Variants in ZNF475 observed in about 807,000 individuals in gnomAD.
ZNF475 encodes zinc finger protein 475.
At chr5:122,175,434 GA>G in the ZNF475 span, among the ~76,000 whole-genome samples, 1 of 151,998 alleles carries the variant, frequency 6.6e-6, no homozygotes, top group African/African-American at 2.4e-5. Flanking sequence ...AGAGCATATT[GA>G]AAAAAAGTCA....
chr5:122,176,968 G>T, the ZNF475 span, among the ~76,000 whole-genome samples: 1 of 152,138 alleles, frequency 6.6e-6, no homozygotes, highest in African/African-American at 2.4e-5. Context: ...CTCTCCCATA[G>T]ATTTGGTTCT....
chr5:122,170,737 C>A, the ZNF475 span, among the ~76,000 whole-genome samples: 2 of 152,150 alleles, frequency 1.3e-5, no homozygotes, highest in Admixed American at 6.5e-5. Flanking sequence ...CAGAGGTCAG[C>A]GAGTAGAGCT....
At chr5:122,173,838 C>T in the ZNF475 span, among the ~76,000 whole-genome samples, 1 of 152,162 alleles carries the variant, frequency 6.6e-6, no homozygotes, top group African/African-American at 2.4e-5. Context: ...TAGTGACTAA[C>T]TTTTTGTAAA....
chr5:122,162,640 T>C, the ZNF475 span, among the ~76,000 whole-genome samples: 2 of 152,222 alleles, frequency 1.3e-5, no homozygotes, highest in South Asian at 4.1e-4. Flanking sequence ...GAGTCTCTGG[T>C]GGCCTCGCCT....
At chr5:122,173,938 AT>A in the ZNF475 span, among the ~76,000 whole-genome samples, 1 of 152,222 alleles carries the variant, frequency 6.6e-6, no homozygotes, top group Non-Finnish European at 1.5e-5. Flanking sequence ...TGTTGATCTA[AT>A]TCTTTGCTCT....
chr5:122,165,632 G>A, the ZNF475 span, among the ~76,000 whole-genome samples: 1 of 151,988 alleles, frequency 6.6e-6, no homozygotes, highest in Non-Finnish European at 1.5e-5. Flanking sequence ...TTACCTCTGG[G>A]TGCCCTGAGT....
chr5:122,178,109 G>A, the ZNF475 span, among the ~76,000 whole-genome samples: 1 of 152,172 alleles, frequency 6.6e-6, no homozygotes, highest in Non-Finnish European at 1.5e-5. Flanking sequence ...ATTCCATGGT[G>A]TATATGTGCC....
chr5:122,173,731 C>G, the ZNF475 span, among the ~76,000 whole-genome samples: 1 of 152,190 alleles, frequency 6.6e-6, no homozygotes, highest in Non-Finnish European at 1.5e-5. Context: ...AAGTGCCTGT[C>G]TGTATCTAGC....
At chr5:122,166,744 G>A in the ZNF475 span, among the ~76,000 whole-genome samples, 1 of 152,184 alleles carries the variant, frequency 6.6e-6, no homozygotes, top group Admixed American at 6.5e-5. Flanking sequence ...ATCGTTGACG[G>A]ACATTTGGGT....
At chr5:122,181,395 G>C in the ZNF475 span, among the ~76,000 whole-genome samples, 1 of 152,158 alleles carries the variant, frequency 6.6e-6, no homozygotes, top group African/African-American at 2.4e-5. Flanking sequence ...TAACGAGAAA[G>C]TCAGTGTCAT....
the ZNF475 span, among the ~76,000 whole-genome samples, chr5:122,160,550 A>G: frequency 2.6e-5 from 4 of 152,232 alleles, no homozygotes. Context: ...TGATAGATAC[A>G]ACTACATCTC....
the ZNF475 span, among the ~76,000 whole-genome samples, chr5:122,169,812 G>A: frequency 2.6e-5 from 4 of 152,322 alleles, no homozygotes; most frequent in East Asian, 3.9e-4. Context: ...TTCAAAATAA[G>A]ATGACTAGTA....
At chr5:122,165,471 T>C in the ZNF475 span, among the ~76,000 whole-genome samples, 1 of 152,226 alleles carries the variant, frequency 6.6e-6, no homozygotes, top group Admixed American at 6.5e-5. Context: ...GTCACCATTT[T>C]TTAATTCTAC....
chr5:122,168,586 G>A, the ZNF475 span, among the ~76,000 whole-genome samples: 2 of 152,178 alleles, frequency 1.3e-5, no homozygotes, highest in Non-Finnish European at 1.5e-5. Context: ...GGCGGCCGGC[G>A]CCTGTAGTCC....
chr5:122,165,672 C>T, the ZNF475 span, among the ~76,000 whole-genome samples: 1 of 151,434 alleles, frequency 6.6e-6, no homozygotes, highest in Non-Finnish European at 1.5e-5. Context: ...AATGAATAAC[C>T]TCAAATGAAC....
At chr5:122,176,250 A>G in the ZNF475 span, among the ~76,000 whole-genome samples, 1 of 152,110 alleles carries the variant, frequency 6.6e-6, no homozygotes, top group African/African-American at 2.4e-5. Context: ...ATTTTTCTCC[A>G]TATATTCTTT....
At chr5:122,169,832 C>T in the ZNF475 span, among the ~76,000 whole-genome samples, 1 of 152,180 alleles carries the variant, frequency 6.6e-6, no homozygotes, top group African/African-American at 2.4e-5. Flanking sequence ...ACCATACAGC[C>T]GCACTTGGTT....
At chr5:122,170,715 CTCTT>C in the ZNF475 span, among the ~76,000 whole-genome samples, 1 of 152,196 alleles carries the variant, frequency 6.6e-6, no homozygotes, top group South Asian at 2.1e-4. Context: ...TCCCCAGCCC[CTCTT>C]CCCTCCTCAG....
the ZNF475 span, chr5:122,179,470 T>C: frequency 2.6e-5 from 16 of 622,474 alleles, 1 homozygote; most frequent in South Asian, 2.3e-4. Context: ...CCCTTGTAAG[T>C]TGTATTCCTA....
Sources: allele counts gnomAD v4.1 joint callset (sites outside exome capture counted in the v4.1 genomes callset), GRCh38; gene constraint gnomAD v4.1.1; transcripts MANE v1.5; gene names NCBI Gene and HGNC (gene_info 2026-07-23, HGNC 2026-07-21).